CLSTN2: variants seen among roughly 807,000 people sequenced by gnomAD.
CLSTN2 encodes the protein calsyntenin-2.
CLSTN2 carries 48 observed loss-of-function variants against 101.2 expected under a neutral mutation model. The observed-to-expected ratio is 0.47, with a 90% confidence interval of 0.38 to 0.60. The LOEUF (loss-of-function observed/expected upper bound fraction) is 0.60, where lower values mean the gene tolerates loss of function less well. Among genes scored for constraint, CLSTN2 ranks in the 20% least tolerant of loss-of-function variants. The pLI is 0.00. For missense variants in CLSTN2, 1,160 were observed against 1,238.2 expected (o/e 0.94, Z 0.95); for synonymous variants, 481 against 463.6 (o/e 1.04, Z -0.48).
At chr3:140,399,938 T>A (rs1170797192) in intron 2 of CLSTN2, among the ~76,000 whole-genome samples, 2 of 152,036 alleles carry the variant, frequency 1.3e-5, no homozygotes. Context: ...ACTCTTTACC[T>A]TTGGGTTACT....
At chr3:140,302,858 T>A (rs2087073691) in intron 2 of CLSTN2, among the ~76,000 whole-genome samples, 1 of 151,770 alleles carries the variant, frequency 6.6e-6, no homozygotes, top group Non-Finnish European at 1.5e-5. Flanking sequence ...CAGTGTGGAG[T>A]CAGGTGGGCT....
intron 2 of CLSTN2, among the ~76,000 whole-genome samples, chr3:140,211,830 A>G (rs947506532): frequency 2.0e-5 from 3 of 152,138 alleles, no homozygotes; most frequent in Non-Finnish European, 2.9e-5. Flanking sequence ...AAGAAAAAGA[A>G]GGAAAGAAAG....
intron 1 of CLSTN2, among the ~76,000 whole-genome samples, chr3:139,949,815 G>T (rs1309200299): frequency 6.6e-6 from 1 of 152,148 alleles, no homozygotes. Flanking sequence ...GTCATTCCTT[G>T]GGTCCTCCTT....
chr3:140,132,220 T>C (rs964173349), intron 1 of CLSTN2, among the ~76,000 whole-genome samples: 1 of 152,188 alleles, frequency 6.6e-6, no homozygotes, highest in Non-Finnish European at 1.5e-5. Context: ...TAAGGGGAAA[T>C]GCCTTCCTCT....
chr3:140,454,357 T>C (rs1312630974), intron 6 of CLSTN2: 1 of 152,242 alleles, frequency 6.6e-6, no homozygotes. Flanking sequence ...CCTAGTTTCC[T>C]TCACCTGGCA....
chr3:140,135,838 T>G lies in CLSTN2; in HGVS notation c.110-40113T>G, dbSNP rs561550128. On this transcript the variant is annotated intron_variant, in intron 1 of 16. Transcript: ENST00000458420. ...TCCATTTTAGGAATCTGGCTTAAACTCTAATCTCTAAAATCTTGTAACCCC... is the reference window on the plus strand; with the variant it reads ...TCCATTTTAGGAATCTGGCTTAAACGCTAATCTCTAAAATCTTGTAACCCC... 2.0e-5 allele frequency among the ~76,000 whole-genome samples: 3 copies of G among 152,330 alleles called. No homozygotes were observed. In the South Asian group the frequency reaches 6.2e-4, roughly 32 times the overall value.
chr3:140,541,565 G>C (rs1935478367), intron 9 of CLSTN2, among the ~76,000 whole-genome samples: 1 of 152,104 alleles, frequency 6.6e-6, no homozygotes, highest in Non-Finnish European at 1.5e-5. Flanking sequence ...CCTTACTTAG[G>C]GGGCACACAA....
intron 6 of CLSTN2, among the ~76,000 whole-genome samples, chr3:140,458,659 G>A (rs1933477092): frequency 6.6e-6 from 1 of 152,082 alleles, no homozygotes; most frequent in Non-Finnish European, 1.5e-5. Flanking sequence ...AAGTCTTCGT[G>A]CCTTAGCCTG....
chr3:140,448,549 G>A lies in CLSTN2; in HGVS notation c.818G>A (p.Gly273Asp). 6.2e-7 allele frequency: 1 copy of A among 1,613,974 alleles called. No homozygotes were observed. The highest frequency in any genetic ancestry group is 2.2e-5 in the East Asian group (1 of 44,860). Residue 273 changes from glycine (G) to aspartate (D), a missense_variant, in exon 6 of 17, where the codon GGC becomes GAC. Gly to Asp is a moderately conservative substitution (Grantham distance 94, BLOSUM62 -1). Coordinates refer to ENST00000458420, the MANE Select transcript of CLSTN2 (RefSeq NM_022131.3). ...DWTKRIEYQP[G>D]SGSMPLFPSI... is the part of the protein sequence containing the mutation. ...ACCAAGAGGATTGAGTACCAGCCTGGCTCCGGGAGCATGCCCCTGTTCCCC... is the reference window on the plus strand; with the variant it reads ...ACCAAGAGGATTGAGTACCAGCCTGACTCCGGGAGCATGCCCCTGTTCCCC...
intron 2 of CLSTN2, among the ~76,000 whole-genome samples, chr3:140,286,166 CCT>C (rs943817413): frequency 3.9e-5 from 6 of 152,126 alleles, no homozygotes; most frequent in African/African-American, 1.4e-4. Flanking sequence ...AAGGAAGCAA[CCT>C]CTCTGTCCAG....
intron 6 of CLSTN2, chr3:140,454,139 A>G (rs893075412): frequency 6.6e-6 from 1 of 152,242 alleles, no homozygotes; most frequent in African/African-American, 2.4e-5. Context: ...GGCTGCACAC[A>G]CTGAGTTATG....
chr3:139,964,345 A>G (rs949151424), intron 1 of CLSTN2, among the ~76,000 whole-genome samples: 11 of 152,168 alleles, frequency 7.2e-5, no homozygotes, highest in Non-Finnish European at 1.3e-4. Flanking sequence ...ATCACAATGT[A>G]ATCTAATTTG....
chr3:140,525,390 T>G (rs1437995581), intron 8 of CLSTN2, among the ~76,000 whole-genome samples: 1 of 152,136 alleles, frequency 6.6e-6, no homozygotes, highest in Non-Finnish European at 1.5e-5. Flanking sequence ...AAGATTGAAC[T>G]AGGAAGCACG....
At chr3:140,404,041 T>C (rs975283158) in intron 3 of CLSTN2, among the ~76,000 whole-genome samples, 2 of 152,186 alleles carry the variant, frequency 1.3e-5, no homozygotes, top group Non-Finnish European at 2.9e-5. Context: ...TGGAAGACAC[T>C]CTTGTTTCAC....
At chr3:140,089,089 T>C (rs1310394749) in intron 1 of CLSTN2, among the ~76,000 whole-genome samples, 1 of 152,224 alleles carries the variant, frequency 6.6e-6, no homozygotes, top group African/African-American at 2.4e-5. Flanking sequence ...TCTGTCCCTC[T>C]TTCCTGAAGA....
At chr3:140,537,978 TC>T (rs540263903) in intron 9 of CLSTN2, among the ~76,000 whole-genome samples, 181 of 152,272 alleles carry the variant, frequency 1.2e-3, no homozygotes, top group African/African-American at 4.2e-3. Flanking sequence ...AGGGCATCTC[TC>T]CCCGTGCCAT....
At position 140,404,773 on chromosome 3, in the gene CLSTN2, G is replaced by C. The variant is rs1167994010; in HGVS notation, c.637+7G>C. On this transcript the variant is annotated splice_region_variant and intron_variant, in intron 4 of 16. Coordinates refer to ENST00000458420, the MANE Select transcript of CLSTN2 (RefSeq NM_022131.3). The stretch of plus-strand genomic sequence containing the variant: ...TTTGCCATCGACAGAAATGGTGAGT[G>C]ACCTCAGAGGACCCCTGTGGGGTCA... 6.2e-7 allele frequency: 1 copy of C among 1,612,598 alleles called. No individual in the cohort carries two copies.
chr3:140,384,639 G>T lies in CLSTN2; in HGVS notation c.233-18990G>T, dbSNP rs151156232. The stretch of plus-strand genomic sequence containing the variant: ...ATGCTGGAGTCACACCTGACAGGAA[G>T]CAGGCCTCTGAACTTTTGTTTTAAA... On this transcript the variant is annotated intron_variant, in intron 2 of 16. Coordinates refer to ENST00000458420, the MANE Select transcript of CLSTN2 (RefSeq NM_022131.3). Among the ~76,000 whole-genome samples the T allele has an allele frequency of 2.8e-3, 420 of 152,306 alleles. 3 individuals are homozygous for T. Among genetic ancestry groups the T allele is most frequent in the Admixed American group, 0.014 (217 of 15,302 alleles).
intron 2 of CLSTN2, among the ~76,000 whole-genome samples, chr3:140,289,533 T>A (rs1052458321): frequency 2.6e-5 from 4 of 152,144 alleles, no homozygotes; most frequent in Non-Finnish European, 5.9e-5. Flanking sequence ...CACAATCCCA[T>A]CTGTGGCACA....
Sources: gnomAD v4.1 joint callset for allele counts (sites outside exome capture counted in the v4.1 genomes callset) on GRCh38, gnomAD v4.1.1 for gene constraint, MANE v1.5 for transcripts, NCBI Gene and HGNC (gene_info 2026-07-23, HGNC 2026-07-21) for gene names.